Variants in CCDC144A observed in about 807,000 individuals in gnomAD.
CCDC144A encodes the protein coiled-coil domain-containing protein 144A.
In CCDC144A, 41 loss-of-function variants were observed where a neutral mutation model predicts 143.8. The observed-to-expected ratio is 0.29, with a 90% CI of 0.22 to 0.37. The LOEUF (loss-of-function observed/expected upper bound fraction) is 0.37, where lower values mean the gene tolerates loss of function less well. CCDC144A is among the 10% of genes least tolerant of loss of function. The pLI is 1.00. For synonymous variants in CCDC144A, 242 were observed against 517.9 expected, an observed-to-expected ratio of 0.47 and a Z score of 7.23; for missense variants, 637 against 1,488.8, an observed-to-expected ratio of 0.43 and a Z score of 9.41.
upstream of CCDC144A, among the ~76,000 whole-genome samples, chr17:16,687,322 T>A (rs1014988582): frequency 6.6e-6 from 1 of 152,092 alleles, no homozygotes; most frequent in African/African-American, 2.4e-5. Context: ...GGGATTGAAT[T>A]TTCCTTGTCT....
intron 12 of CCDC144A, among the ~76,000 whole-genome samples, chr17:16,748,344 G>A (rs1471402359): frequency 6.6e-6 from 1 of 152,134 alleles, no homozygotes; most frequent in African/African-American, 2.4e-5. Context: ...CATCTTTTGA[G>A]TTGATCATAT....
intron 1 of CCDC144A, among the ~76,000 whole-genome samples, chr17:16,691,528 A>G (rs1911071894): frequency 6.6e-6 from 1 of 151,574 alleles, no homozygotes; most frequent in African/African-American, 2.4e-5. Context: ...TTGGGAGGCT[A>G]AGGTGGGCGG....
At chr17:16,756,981 A>G (rs1470929387) in intron 12 of CCDC144A, among the ~76,000 whole-genome samples, 1 of 152,228 alleles carries the variant, frequency 6.6e-6, no homozygotes, top group African/African-American at 2.4e-5. Flanking sequence ...GATGGGGAGG[A>G]CAGCAGGCCA....
the CCDC144A span, among the ~76,000 whole-genome samples, chr17:16,667,589 C>G: frequency 6.7e-6 from 1 of 150,230 alleles, no homozygotes; most frequent in Non-Finnish European, 1.5e-5. Context: ...TGCTCAGCCA[C>G]TTGTTTTCTC....
At chr17:16,695,400 C>A (rs1048932800) in intron 2 of CCDC144A, 1 of 151,784 alleles carries the variant, frequency 6.6e-6, no homozygotes, top group African/African-American at 2.4e-5. Flanking sequence ...CCAGCCCGGG[C>A]AACATGACAA....
intron 2 of CCDC144A, among the ~76,000 whole-genome samples, chr17:16,702,345 A>G (rs546018530): frequency 1.3e-5 from 2 of 152,314 alleles, no homozygotes; most frequent in East Asian, 1.9e-4. Flanking sequence ...GGTTCTGTCC[A>G]TAGGAGGTAA....
intron 12 of CCDC144A, among the ~76,000 whole-genome samples, chr17:16,753,432 T>TTTGTTGTTGTTTTTG (rs1439429855): frequency 8.1e-6 from 1 of 122,882 alleles, no homozygotes; most frequent in Admixed American, 7.6e-5. Flanking sequence ...TTTGTAGTTT[T>TTTGTTGTTGTTTTTG]TTTTTTTTTT....
the CCDC144A span, among the ~76,000 whole-genome samples, chr17:16,680,797 G>A: frequency 9.2e-5 from 14 of 151,870 alleles, no homozygotes; most frequent in Non-Finnish European, 1.8e-4. Context: ...GGATTCTACC[G>A]ACCAATCTAA....
At chr17:16,711,141 A>AAAAAAAAC (rs1328077279) in intron 5 of CCDC144A, among the ~76,000 whole-genome samples, 9 of 133,852 alleles carry the variant, frequency 6.7e-5, no homozygotes, top group Admixed American at 2.3e-4. Flanking sequence ...CAAATGAAAA[A>AAAAAAAAC]AAAAAAAAAA....
Position 16,715,910 on chromosome 17 carries a change from C to T in CCDC144A, c.1715+4095C>T, listed in dbSNP as rs539818380. ...TGTTTAATTGGCTGTCTTTCCAAAG[C>T]AAGTGGCGCACGTTGATATTGGTTG... is the stretch of plus-strand genomic sequence containing the variant. On this transcript the variant is annotated intron_variant, in intron 6 of 16. Coordinates refer to ENST00000399273, the MANE Select transcript of CCDC144A (RefSeq NM_001382000.1). 2.6e-5 allele frequency among the ~76,000 whole-genome samples: 4 copies of T among 152,284 alleles called. No individual in the cohort carries two copies. The East Asian group carries it at 7.7e-4, about 29-fold the overall frequency.
the CCDC144A span, among the ~76,000 whole-genome samples, chr17:16,675,774 G>T: frequency 6.6e-6 from 1 of 151,896 alleles, no homozygotes; most frequent in African/African-American, 2.4e-5. Context: ...ACGGAATCTC[G>T]CTCTGTCGCC....
chr17:16,702,033 A>G (rs1191352702), intron 2 of CCDC144A, among the ~76,000 whole-genome samples: 1 of 152,156 alleles, frequency 6.6e-6, no homozygotes, highest in East Asian at 1.9e-4. Flanking sequence ...GATGAGCTTG[A>G]AAACAGTCTA....
At chr17:16,677,250 A>C in the CCDC144A span, among the ~76,000 whole-genome samples, 1 of 152,082 alleles carries the variant, frequency 6.6e-6, no homozygotes. Context: ...CCAAATGGTC[A>C]GTTGCCTCTA....
At chr17:16,771,870 G>A (rs1915833669) in intron 15 of CCDC144A, 107 bp from the exon 16 acceptor site, 3 of 864,148 alleles carry the variant, frequency 3.5e-6, no homozygotes, top group African/African-American at 1.8e-5. Flanking sequence ...TTCAAGTTAG[G>A]TCTAGTCTGT....
chr17:16,746,149 T>G, intron 12 of CCDC144A: 1 of 1,560,874 alleles, frequency 6.4e-7, no homozygotes, highest in Non-Finnish European at 8.7e-7. Context: ...CCAGTATCAA[T>G]CTCCTCTCCT....
chr17:16,674,657 A>C, the CCDC144A span, among the ~76,000 whole-genome samples: 1 of 152,208 alleles, frequency 6.6e-6, no homozygotes, highest in South Asian at 2.1e-4. Flanking sequence ...CAAGCTTTAC[A>C]GTAGCAAAGC....
At chr17:16,690,193 G>A, upstream of CCDC144A, 2 of 396,296 alleles carry the variant, frequency 5.0e-6, no homozygotes, top group Middle Eastern at 6.4e-4. Context: ...TGATGTCACA[G>A]GTGGGCAGGC....
chr17:16,699,484 T>C, intron 2 of CCDC144A, among the ~76,000 whole-genome samples: 1 of 89,826 alleles, frequency 1.1e-5, no homozygotes, highest in Non-Finnish European at 2.1e-5. Context: ...CACACCATTC[T>C]CCTGCCTCAG....
At chr17:16,684,391 C>G in the CCDC144A span, among the ~76,000 whole-genome samples, 1 of 152,138 alleles carries the variant, frequency 6.6e-6, no homozygotes, top group African/African-American at 2.4e-5. Context: ...CGCGGTGGCT[C>G]ACGCCTGTAG....
Sources: gnomAD v4.1 joint callset for allele counts (sites outside exome capture counted in the v4.1 genomes callset) on GRCh38, gnomAD v4.1.1 for gene constraint, MANE v1.5 for transcripts, NCBI Gene and HGNC (gene_info 2026-07-23, HGNC 2026-07-21) for gene names.